The following CYP4B1 variants were observed in gnomAD, a reference collection of about 807,000 sequenced individuals.
CYP4B1 encodes cytochrome P450 family 4 subfamily B member 1, also known as cytochrome P450 4B1.
A neutral mutation model predicts 54.0 loss-of-function variants in CYP4B1; 45 were observed. The ratio of observed to expected loss-of-function variants is 0.83; its 90% CI spans 0.66 to 1.07. CYP4B1 has a LOEUF of 1.07. Ranked by LOEUF, CYP4B1 falls within the 50% of genes least tolerant of loss-of-function variation. The pLI is 0.00. For missense variants in CYP4B1, 656 were observed against 655.4 expected (o/e 1.00, Z -0.01); for synonymous variants, 248 against 247.5 (o/e 1.00, Z -0.02).
intron 1 of CYP4B1, among the ~76,000 whole-genome samples, chr1:46,803,529 A>G (rs1480373933): frequency 6.6e-6 from 1 of 152,226 alleles, no homozygotes; most frequent in Non-Finnish European, 1.5e-5. Context: ...AAGGAGAGCC[A>G]TAAGACTGGA....
intron 1 of CYP4B1, among the ~76,000 whole-genome samples, chr1:46,808,462 C>T (rs1678950845): frequency 6.6e-6 from 1 of 151,480 alleles, no homozygotes; most frequent in African/African-American, 2.4e-5. Flanking sequence ...AGTGTCTGTT[C>T]ATGTCCTTCG....
chr1:46,800,762 C>T (rs1020180402), intron 1 of CYP4B1, among the ~76,000 whole-genome samples: 11 of 152,290 alleles, frequency 7.2e-5, no homozygotes, highest in Middle Eastern at 3.4e-3. Context: ...AGCTTGACCT[C>T]TAGGCTTATT....
At chr1:46,803,679 C>T (rs1010363134) in intron 1 of CYP4B1, among the ~76,000 whole-genome samples, 11 of 152,150 alleles carry the variant, frequency 7.2e-5, no homozygotes, top group African/African-American at 2.2e-4. Context: ...TGGAGAATTC[C>T]GTGGCAGAGT....
intron 4 of CYP4B1, 108 bp downstream of exon 4, chr1:46,812,731 T>C: frequency 1.5e-6 from 2 of 1,299,792 alleles, no homozygotes; most frequent in Non-Finnish European, 2.2e-6. Flanking sequence ...GTAAGGAGAA[T>C]AGCTGAGCCC....
At chr1:46,801,261 G>C (rs528640932) in intron 1 of CYP4B1, among the ~76,000 whole-genome samples, 13 of 152,310 alleles carry the variant, frequency 8.5e-5, no homozygotes, top group African/African-American at 1.2e-4. Flanking sequence ...GTTGAGGTCT[G>C]ACGCTAAAAG....
At chr1:46,803,968 A>C (rs1055876460) in intron 1 of CYP4B1, among the ~76,000 whole-genome samples, 10 of 152,054 alleles carry the variant, frequency 6.6e-5, no homozygotes, top group Admixed American at 1.3e-4. Context: ...GGTCTGAAGA[A>C]TCTGGAGGGT....
At chr1:46,799,335 A>G in intron 1 of CYP4B1, 74 bp downstream of exon 1, 1 of 1,404,786 alleles carries the variant, frequency 7.1e-7, no homozygotes, top group South Asian at 1.3e-5. Flanking sequence ...CCTAATTCCC[A>G]GGGGGCTGTG....
chr1:46,818,574 A>G, intron 11 of CYP4B1, 57 bp from the exon 12 acceptor site: 1 of 1,549,162 alleles, frequency 6.5e-7, no homozygotes, highest in South Asian at 1.1e-5. Flanking sequence ...AAGAGCACTG[A>G]ATGTCATCAC....
chr1:46,803,980 T>A (rs1460422186), intron 1 of CYP4B1, among the ~76,000 whole-genome samples: 1 of 151,862 alleles, frequency 6.6e-6, no homozygotes, highest in East Asian at 1.9e-4. Context: ...CTGGAGGGTG[T>A]CATGCAGAGA....
chr1:46,805,682 G>C (rs1013609089), intron 1 of CYP4B1, among the ~76,000 whole-genome samples: 1 of 152,210 alleles, frequency 6.6e-6, no homozygotes, highest in African/African-American at 2.4e-5. Flanking sequence ...AATCCCCAAT[G>C]AGTTTTTGTA....
At chr1:46,814,400 T>G (rs1679248574) in intron 7 of CYP4B1, 85 bp downstream of exon 7, 3 of 963,182 alleles carry the variant, frequency 3.1e-6, no homozygotes, top group Non-Finnish European at 4.7e-6. Context: ...GAAGGAGCTC[T>G]TAAGCATTTC....
chr1:46,817,316 C>T (rs1679376806), intron 9 of CYP4B1, 135 bp downstream of exon 9: 1 of 993,922 alleles, frequency 1.0e-6, no homozygotes, highest in Non-Finnish European at 1.5e-6. Flanking sequence ...GGTCTAAATC[C>T]CAGCCCCACA....
chr1:46,806,669 T>C (rs1678874074), intron 1 of CYP4B1: 1 of 152,230 alleles, frequency 6.6e-6, no homozygotes, highest in Non-Finnish European at 1.5e-5. Flanking sequence ...TGGTGACGTA[T>C]GCTTGCTCTT....
At chr1:46,812,799 G>C (rs12410657) in intron 4 of CYP4B1, among the ~76,000 whole-genome samples, 176 bp downstream of exon 4, 14,999 of 152,168 alleles carry the variant, frequency 0.099, 848 homozygotes, top group East Asian at 0.19. Flanking sequence ...GACATGTGCC[G>C]CAGGCTGCCA....
rs1231998134 is a variant in CYP4B1 at position 46,817,074 on chromosome 1, T to G, written c.1100T>G (p.Leu367Arg). 23 of 1,614,022 alleles carry G rather than the reference T, an allele frequency of 1.4e-5. No individual in the cohort carries two copies. The highest frequency in any genetic ancestry group is 1.9e-5 in the Non-Finnish European group (22 of 1,180,022). Residue 367 changes from leucine (L) to arginine (R), a missense_variant, in exon 9 of 12, where the codon CTG (leucine) becomes CGG (arginine). Physicochemically the swap from Leu to Arg is moderately radical, Grantham distance 102. Coordinates refer to ENST00000371923, the MANE Select transcript of CYP4B1 (RefSeq NM_001099772.2). ...QWDDLGKMTYLTMCIKESFRL... is the reference protein window; with the variant it reads ...QWDDLGKMTYRTMCIKESFRL... ...GATGATCTGGGCAAAATGACTTATC[T>G]GACCATGTGCATCAAGGAGAGCTTC...
chr1:46,815,337 A>G (rs1356002521), intron 8 of CYP4B1, 73 bp downstream of exon 8: 1 of 1,356,086 alleles, frequency 7.4e-7, no homozygotes, highest in Non-Finnish European at 9.9e-7. Flanking sequence ...GTCCTGAACC[A>G]TCCTGGAAAT....
In CYP4B1 at chr1:46,804,368, A is replaced by G. The variant is rs957109439; in HGVS notation, c.180+5107A>G. Reference sequence around the variant, plus strand: ...TTTAGAGAAGTTAGATTATGAAGGGATGAGCAAATAAGGTGTTAGCTGGAG... The same window carrying G: ...TTTAGAGAAGTTAGATTATGAAGGGGTGAGCAAATAAGGTGTTAGCTGGAG... On this transcript the variant is annotated intron_variant, in intron 1 of 11. Transcript: ENST00000371923. Among the ~76,000 whole-genome samples, 11 of 152,112 alleles carry G rather than the reference A, an allele frequency of 7.2e-5. No individual in the cohort carries two copies. In the South Asian group the frequency reaches 2.3e-3, roughly 32 times the overall value.
At chr1:46,800,298 C>CTTCTTTCTTTCT (rs1178430386) in intron 1 of CYP4B1, among the ~76,000 whole-genome samples, 1 of 87,976 alleles carries the variant, frequency 1.1e-5, no homozygotes, top group South Asian at 4.4e-4. Context: ...TCCTTCCTTC[C>CTTCTTTCTTTCT]TTCTTTCCTT....
Position 46,813,901 on chromosome 1 carries a change from C to G in CYP4B1, c.621-8C>G, listed in dbSNP as rs201496388. The G allele has an allele frequency of 2.9e-5, 47 of 1,613,892 alleles. No individual in the cohort carries two copies. The highest frequency in any genetic ancestry group is 4.2e-6 in the Non-Finnish European group (5 of 1,179,916). On this transcript the variant is annotated splice_region_variant and splice_polypyrimidine_tract_variant and intron_variant, in intron 5 of 11. Coordinates refer to ENST00000371923, the MANE Select transcript of CYP4B1 (RefSeq NM_001099772.2). ...CTAAGCCAATCCCTCCTCCTACCCTCTGCTTAGCAGGGACAGCAGCTACTA... is the reference window on the plus strand; with the variant it reads ...CTAAGCCAATCCCTCCTCCTACCCTGTGCTTAGCAGGGACAGCAGCTACTA...
Sources: gnomAD v4.1 joint callset for allele counts (sites outside exome capture counted in the v4.1 genomes callset) on GRCh38, gnomAD v4.1.1 for gene constraint, MANE v1.5 for transcripts, NCBI Gene and HGNC (gene_info 2026-07-23, HGNC 2026-07-21) for gene names.